The following SEMA5A variants were observed in gnomAD, a reference collection of about 807,000 sequenced individuals.
SEMA5A encodes the protein semaphorin 5A.
In SEMA5A, 55 loss-of-function variants were observed where a neutral mutation model predicts 135.5. The ratio of observed to expected loss-of-function variants is 0.41; its 90% CI spans 0.33 to 0.51. SEMA5A has a LOEUF of 0.51. SEMA5A is among the 20% of genes least tolerant of loss of function. The pLI is 0.37. For synonymous variants in SEMA5A, 580 were observed against 546.5 expected, an observed-to-expected ratio of 1.06 and a Z score of -0.85; for missense variants, 1,290 against 1,419.9, an observed-to-expected ratio of 0.91 and a Z score of 1.47.
intron 1 of SEMA5A, among the ~76,000 whole-genome samples, chr5:9,456,663 C>T (rs1473231616): frequency 1.3e-5 from 2 of 152,032 alleles, no homozygotes; most frequent in African/African-American, 4.8e-5. Flanking sequence ...TCTAAGTCAG[C>T]CCAGCTGCAA....
At chr5:9,188,131 C>T (rs984604176) in intron 11 of SEMA5A, among the ~76,000 whole-genome samples, 16 of 152,058 alleles carry the variant, frequency 1.1e-4, no homozygotes, top group African/African-American at 3.1e-4. Context: ...CCCTTAGGAA[C>T]GGTATGAGTG....
intron 2 of SEMA5A, among the ~76,000 whole-genome samples, chr5:9,419,348 G>A (rs1757386464): frequency 6.6e-6 from 1 of 152,158 alleles, no homozygotes. Context: ...TTCTGCGGTT[G>A]TTGGGTGGAG....
intron 1 of SEMA5A, among the ~76,000 whole-genome samples, chr5:9,542,648 C>A (rs1278824467): frequency 6.6e-6 from 1 of 152,114 alleles, no homozygotes; most frequent in Non-Finnish European, 1.5e-5. Flanking sequence ...GCAACAATTG[C>A]AGAAACATTT....
At chr5:9,374,498 T>C (rs765668447) in intron 3 of SEMA5A, among the ~76,000 whole-genome samples, 10 of 152,104 alleles carry the variant, frequency 6.6e-5, no homozygotes, top group Non-Finnish European at 1.2e-4. Flanking sequence ...TCATCCTACT[T>C]TCTCAAAGTT....
intron 2 of SEMA5A, among the ~76,000 whole-genome samples, chr5:9,392,145 C>T (rs1756188588): frequency 6.6e-6 from 1 of 152,152 alleles, no homozygotes; most frequent in African/African-American, 2.4e-5. Flanking sequence ...GTCACCTCTA[C>T]AGGAAAGCCT....
chr5:9,324,040 C>T (rs1182723020), intron 4 of SEMA5A, among the ~76,000 whole-genome samples: 1 of 151,748 alleles, frequency 6.6e-6, no homozygotes, highest in Non-Finnish European at 1.5e-5. Context: ...CACCTTATTA[C>T]AATTTTCAGC....
At chr5:9,230,282 G>A (rs1374983705) in intron 6 of SEMA5A, among the ~76,000 whole-genome samples, 1 of 149,164 alleles carries the variant, frequency 6.7e-6, no homozygotes, top group Non-Finnish European at 1.5e-5. Context: ...TTGCAGGCAT[G>A]AGCCACAGTG....
At chr5:9,485,137 C>A (rs768525307) in intron 1 of SEMA5A, among the ~76,000 whole-genome samples, 2 of 152,008 alleles carry the variant, frequency 1.3e-5, no homozygotes, top group African/African-American at 2.4e-5. Context: ...TATCTGGCAA[C>A]TCTACCCAGG....
intron 1 of SEMA5A, among the ~76,000 whole-genome samples, chr5:9,460,724 G>A (rs1213968498): frequency 6.6e-6 from 1 of 152,070 alleles, no homozygotes; most frequent in Non-Finnish European, 1.5e-5. Flanking sequence ...CAGATATTAA[G>A]GGATTGCTAT....
chr5:9,318,491 G>T, intron 4 of SEMA5A, 74 bp from the exon 5 acceptor site: 1 of 1,262,910 alleles, frequency 7.9e-7, no homozygotes, highest in Non-Finnish European at 1.1e-6. Flanking sequence ...AAAATTTCAA[G>T]AACAAAGAAA....
At chr5:9,122,599 C>A in intron 14 of SEMA5A, 57 bp downstream of exon 14, 1 of 1,417,258 alleles carries the variant, frequency 7.1e-7, no homozygotes, top group South Asian at 1.8e-5. Context: ...TCCCAAACTC[C>A]TCGAGAATCT....
intron 1 of SEMA5A, among the ~76,000 whole-genome samples, chr5:9,529,420 C>A (rs1263650244): frequency 1.3e-5 from 2 of 152,264 alleles, no homozygotes; most frequent in East Asian, 3.8e-4. Flanking sequence ...CCTGCCTGGA[C>A]ACCCACCAGC....
At position 9,135,724 on chromosome 5, in the gene SEMA5A, C is replaced by A. The variant is rs527639913; in HGVS notation, c.1599+780G>T. On this transcript the variant is annotated intron_variant, in intron 13 of 22. Coordinates refer to ENST00000382496, the MANE Select transcript of SEMA5A (RefSeq NM_003966.3). ...AAGGCAACATGACTTATGACTTTTCCATTATATGGAAGTTAATAACTGTTG... is the reference window on the plus strand; with the variant it reads ...AAGGCAACATGACTTATGACTTTTCAATTATATGGAAGTTAATAACTGTTG... Among the ~76,000 whole-genome samples, 47 of 152,136 alleles carry A rather than the reference C, an allele frequency of 3.1e-4. 1 individual carries two copies. Among genetic ancestry groups the A allele is most frequent in the African/African-American group, 1.1e-3 (46 of 41,486 alleles).
At chr5:9,208,850 G>C (rs1746191183) in intron 8 of SEMA5A, among the ~76,000 whole-genome samples, 1 of 152,116 alleles carries the variant, frequency 6.6e-6, no homozygotes, top group Admixed American at 6.6e-5. Flanking sequence ...TAGGAAGTTG[G>C]AGCCAAGTGC....
intron 5 of SEMA5A, among the ~76,000 whole-genome samples, chr5:9,315,623 T>A (rs1363910143): frequency 2.0e-5 from 3 of 152,176 alleles, no homozygotes; most frequent in African/African-American, 4.8e-5. Context: ...ATCTGAAGGG[T>A]AGAGGCCAGT....
At chr5:9,072,194 G>A (rs112470219) in intron 16 of SEMA5A, among the ~76,000 whole-genome samples, 1 of 152,150 alleles carries the variant, frequency 6.6e-6, no homozygotes, top group Non-Finnish European at 1.5e-5. Flanking sequence ...GAAGGTCAGT[G>A]ATCACTGAGT....
At chr5:9,085,988 G>C (rs908999841) in intron 16 of SEMA5A, among the ~76,000 whole-genome samples, 1 of 152,218 alleles carries the variant, frequency 6.6e-6, no homozygotes, top group Non-Finnish European at 1.5e-5. Context: ...GGAGCTTTAA[G>C]ATTTGACTGC....
At chr5:9,136,656 C>T (rs532908473) in intron 12 of SEMA5A, 35 bp from the exon 13 acceptor site, 74 of 1,556,040 alleles carry the variant, frequency 4.8e-5, no homozygotes, top group African/African-American at 8.1e-5. Context: ...ACAGAAAGGT[C>T]GCTTTACCCA....
intron 2 of SEMA5A, among the ~76,000 whole-genome samples, chr5:9,425,546 T>C (rs920376741): frequency 6.6e-6 from 1 of 152,236 alleles, no homozygotes; most frequent in Non-Finnish European, 1.5e-5. Flanking sequence ...TGACCCCATG[T>C]ACAGGAAGAG....
Sources: gnomAD v4.1 joint callset for allele counts (sites outside exome capture counted in the v4.1 genomes callset) on GRCh38, gnomAD v4.1.1 for gene constraint, MANE v1.5 for transcripts, NCBI Gene and HGNC (gene_info 2026-07-23, HGNC 2026-07-21) for gene names.